The following PJA2 variants were observed in gnomAD, a reference collection of about 807,000 sequenced individuals.
PJA2 encodes praja ring finger ubiquitin ligase 2, also known as E3 ubiquitin-protein ligase Praja-2.
A neutral mutation model predicts 69.3 loss-of-function variants in PJA2; 25 were observed. The ratio of observed to expected loss-of-function variants is 0.36; its 90% CI spans 0.26 to 0.50. PJA2 has a LOEUF of 0.50. Among genes scored for constraint, PJA2 ranks in the 20% least tolerant of loss-of-function variants. The pLI is 0.96. For synonymous variants in PJA2, 308 were observed against 277.8 expected, an observed-to-expected ratio of 1.11 and a Z score of -1.08; for missense variants, 809 against 830.2, an observed-to-expected ratio of 0.97 and a Z score of 0.31.
Position 109,378,389 on chromosome 5 carries a change from T to G in PJA2, c.1098A>C (p.Glu366Asp). 1 of 1,614,196 alleles carries G rather than the reference T, an allele frequency of 6.2e-7. No homozygotes were observed. Among genetic ancestry groups the G allele is most frequent in the Non-Finnish European group, 8.5e-7 (1 of 1,180,018 alleles). Residue 366 changes from glutamate (E) to aspartate (D), a missense_variant, in exon 4 of 10, where the codon GAA (glutamate) becomes GAC (aspartate). Around this residue, in one of 4 missense-constraint regions of PJA2, gnomAD observed 700 missense variants for 639.5 expected, o/e 1.09. Coordinates refer to ENST00000361189, the MANE Select transcript of PJA2 (RefSeq NM_014819.5). ...ACATACAGTCATGCTCTCCATCATATTCTTCACATTTTATTAAGAGGTCAT... is the reference window on the plus strand; with the variant it reads ...ACATACAGTCATGCTCTCCATCATAGTCTTCACATTTTATTAAGAGGTCAT... ...GSDDLLIKCE[E>D]YDGEHDCMFL...
At chr5:109,404,949 T>G (rs1320242000) in intron 1 of PJA2, among the ~76,000 whole-genome samples, 1 of 152,186 alleles carries the variant, frequency 6.6e-6, no homozygotes, top group African/African-American at 2.4e-5. Flanking sequence ...TTAGCCAGTC[T>G]AAGAAGAAGA....
intron 1 of PJA2, among the ~76,000 whole-genome samples, chr5:109,399,187 G>T (rs1336667540): frequency 4.5e-4 from 1 of 2,228 alleles, no homozygotes; most frequent in Non-Finnish European, 1.5e-3. Flanking sequence ...CTCCAGCCTG[G>T]GTGACAGAGT....
chr5:109,381,527 C>T lies in PJA2; in HGVS notation c.208G>A (p.Asp70Asn), dbSNP rs1248052191. 1.9e-6 allele frequency: 3 copies of T among 1,613,754 alleles called. No individual in the cohort carries two copies. Among genetic ancestry groups the T allele is most frequent in the South Asian group, 2.2e-5 (2 of 91,072 alleles). The change falls in exon 3 of 10, where the codon GAT (aspartate) becomes AAT (asparagine). Residue 70 changes from aspartate to asparagine, a missense_variant. Coordinates refer to ENST00000361189, the MANE Select transcript of PJA2 (RefSeq NM_014819.5). ...CCTGAGGAATTTTCCTTTGGAACAT[C>T]ATCTAGTTCCAACACTTCATAGTCA... is the stretch of plus-strand genomic sequence containing the variant. ...GDDYEVLELD[D>N]VPKENSSGSS...
chr5:109,396,661 G>A (rs1291013965), intron 1 of PJA2, among the ~76,000 whole-genome samples: 1 of 150,122 alleles, frequency 6.7e-6, no homozygotes, highest in Non-Finnish European at 1.5e-5. Flanking sequence ...TCCTGACCTC[G>A]TGATCCACCT....
At chr5:109,355,380 T>A (rs1406897667) in intron 7 of PJA2, among the ~76,000 whole-genome samples, 5 of 152,178 alleles carry the variant, frequency 3.3e-5, no homozygotes. Flanking sequence ...GGCAAATACA[T>A]TTAAGAACAG....
intron 1 of PJA2, among the ~76,000 whole-genome samples, chr5:109,385,684 T>C (rs1432315251): frequency 6.6e-6 from 1 of 152,112 alleles, no homozygotes; most frequent in East Asian, 1.9e-4. Context: ...TAGGTGTACA[T>C]GGAGAAGTGA....
intron 7 of PJA2, among the ~76,000 whole-genome samples, chr5:109,353,799 G>C (rs1561345387): frequency 7.6e-4 from 101 of 133,096 alleles, no homozygotes; most frequent in Non-Finnish European, 1.2e-3. Context: ...ATGATATCTA[G>C]AGATATCTAT....
rs373657945 is a variant in PJA2 at position 109,403,831 on chromosome 5, G to T, written c.-88+6011C>A. The stretch of plus-strand genomic sequence containing the variant: ...TCATGCCTGTAATCCCAACACTTTG[G>T]GGGGCCAAGGCGGGCAGATCACGAG... On this transcript the variant is annotated intron_variant, in intron 1 of 9. Transcript: ENST00000361189. 2.4e-4 allele frequency among the ~76,000 whole-genome samples: 36 copies of T among 151,876 alleles called. No homozygotes were observed. In the South Asian group the frequency reaches 7.3e-3, roughly 31 times the overall value.
At chr5:109,388,113 T>C (rs1033798964) in intron 1 of PJA2, among the ~76,000 whole-genome samples, 1 of 152,130 alleles carries the variant, frequency 6.6e-6, no homozygotes, top group African/African-American at 2.4e-5. Flanking sequence ...TGTGCAAGAA[T>C]AGGGTAATAA....
intron 1 of PJA2, among the ~76,000 whole-genome samples, chr5:109,398,280 A>G (rs1457892189): frequency 6.6e-6 from 1 of 152,190 alleles, no homozygotes; most frequent in Non-Finnish European, 1.5e-5. Flanking sequence ...TACTGGGTAT[A>G]TACCCAAAGG....
At chr5:109,397,040 T>C (rs1747431529) in intron 1 of PJA2, among the ~76,000 whole-genome samples, 1 of 152,190 alleles carries the variant, frequency 6.6e-6, no homozygotes, top group Admixed American at 6.5e-5. Flanking sequence ...CATAGGGCTC[T>C]GCCCTCATGA....
At chr5:109,364,667 T>TAA (rs1762558164) in intron 5 of PJA2, among the ~76,000 whole-genome samples, 1 of 140,868 alleles carries the variant, frequency 7.1e-6, no homozygotes, top group Non-Finnish European at 1.6e-5. Context: ...AAGCATGATA[T>TAA]AAAACCCTGA....
At chr5:109,341,628 C>T (rs1762063516) in intron 9 of PJA2, among the ~76,000 whole-genome samples, 2 of 100,938 alleles carry the variant, frequency 2.0e-5, no homozygotes, top group Non-Finnish European at 4.3e-5. Context: ...CCTGGCCAGC[C>T]GCCCCGTCCG....
In PJA2 at chr5:109,360,992, G is replaced by C. The variant is rs1479751103; in HGVS notation, c.1652+1848C>G. 4.6e-5 allele frequency among the ~76,000 whole-genome samples: 7 copies of C among 152,116 alleles called. No individual in the cohort carries two copies. The East Asian group carries it at 5.8e-4, about 13-fold the overall frequency. The stretch of plus-strand genomic sequence containing the variant: ...AAAATACACAAATTAGCCAGGTGTG[G>C]TGGCAGGCGCCTGTAATCCCAGCTA... On this transcript the variant is annotated intron_variant, in intron 6 of 9. Coordinates refer to ENST00000361189, the MANE Select transcript of PJA2 (RefSeq NM_014819.5).
At chr5:109,359,359 A>C (rs956512877) in intron 6 of PJA2, among the ~76,000 whole-genome samples, 64 of 152,096 alleles carry the variant, frequency 4.2e-4, no homozygotes, top group African/African-American at 1.5e-3. Context: ...TTTCTAGTGC[A>C]CAGGGATCAG....
Position 109,336,144 on chromosome 5 carries a change from ACACT to A in PJA2, c.*1083_*1086del, listed in dbSNP as rs1761934949. On this transcript the variant is annotated 3_prime_UTR_variant, in exon 10 of 10. Coordinates refer to ENST00000361189, the MANE Select transcript of PJA2 (RefSeq NM_014819.5). The stretch of plus-strand genomic sequence containing the variant: ...ATCAATGTACCAGTTAGACGGACAT[ACACT>A]CACTATGTGCTTTACTATTTTACTT... 2 of 152,492 alleles carry A rather than the reference ACACT, an allele frequency of 1.3e-5. No homozygotes were observed. The highest frequency in any genetic ancestry group is 2.1e-4 in the South Asian group (1 of 4,836). The allele number at this position is 152,492 out of a possible 1,614,324, so 9.4% of individuals were successfully genotyped here.
At chr5:109,363,071 C>A in intron 5 of PJA2, 49 bp from the exon 6 acceptor site, 4 of 1,453,510 alleles carry the variant, frequency 2.8e-6, no homozygotes, top group South Asian at 2.8e-5. Context: ...TTAAAACATA[C>A]CATAACACTG....
chr5:109,341,471 C>A (rs1762055982), intron 9 of PJA2, among the ~76,000 whole-genome samples: 1 of 136,874 alleles, frequency 7.3e-6, no homozygotes, highest in Non-Finnish European at 1.6e-5. Context: ...AAGTGAGGAG[C>A]CTCTCCGCCC....
intron 1 of PJA2, chr5:109,390,556 T>A (rs1747260146): frequency 6.6e-6 from 1 of 152,088 alleles, no homozygotes; most frequent in South Asian, 2.1e-4. Context: ...TGTTAGAATA[T>A]TTAATCCATT....
Sources: gnomAD v4.1 joint callset for allele counts (sites outside exome capture counted in the v4.1 genomes callset) on GRCh38, gnomAD v4.1.1 for gene constraint, gnomAD v4.1.1 regional missense constraint, MANE v1.5 for transcripts, NCBI Gene and HGNC (gene_info 2026-07-23, HGNC 2026-07-21) for gene names.